The following CHIC1 variants were observed in gnomAD, a reference collection of about 807,000 sequenced individuals.
CHIC1 encodes cysteine rich hydrophobic domain 1.
Under a neutral mutation model 18.5 loss-of-function variants are expected in CHIC1, and 7 were observed. That is an observed-to-expected ratio of 0.38 (90% CI 0.22 to 0.71). CHIC1 has a LOEUF of 0.71. CHIC1 is among the 30% of genes least tolerant of loss of function. CHIC1 has a pLI of 0.49. For synonymous variants in CHIC1, 77 were observed against 73.5 expected (o/e 1.05, Z -0.25); for missense variants, 159 against 176.9 (o/e 0.90, Z 0.57).
intron 3 of CHIC1, among the ~76,000 whole-genome samples, chrX:73,623,102 A>G (rs1292111480): frequency 9.0e-6 from 1 of 111,480 alleles, no homozygotes; most frequent in Non-Finnish European, 1.9e-5. Flanking sequence ...TTTACTTCCA[A>G]TTATGTGGTC....
chrX:73,678,275 G>T (rs150778332), intron 3 of CHIC1, among the ~76,000 whole-genome samples: 1,703 of 112,364 alleles, frequency 0.015, 32 homozygotes, highest in African/African-American at 0.052. Context: ...TGGGACAGCA[G>T]TGCCAGGTAG....
chrX:73,623,668 C>G (rs1387979603), intron 3 of CHIC1, among the ~76,000 whole-genome samples: 1 of 111,014 alleles, frequency 9.0e-6, no homozygotes, highest in East Asian at 2.8e-4. Flanking sequence ...TGTTTTAACC[C>G]TCTAAACTTA....
chrX:73,633,610 T>C (rs770870286), intron 3 of CHIC1, among the ~76,000 whole-genome samples: 1 of 111,974 alleles, frequency 8.9e-6, no homozygotes, highest in Non-Finnish European at 1.9e-5. Flanking sequence ...TCATTATTTA[T>C]TTAAATAAGC....
chrX:73,604,728 G>T (rs779630178), intron 3 of CHIC1, among the ~76,000 whole-genome samples: 1 of 109,113 alleles, frequency 9.2e-6, no homozygotes, highest in South Asian at 3.7e-4. Context: ...TGGTTTCAAA[G>T]AACTTATGTA....
intron 2 of CHIC1, among the ~76,000 whole-genome samples, chrX:73,580,192 G>A (rs369656742): frequency 1.8e-5 from 2 of 110,488 alleles, no homozygotes; most frequent in African/African-American, 6.5e-5. Context: ...AATTCCAGTG[G>A]CCCCAAAGGT....
intron 3 of CHIC1, among the ~76,000 whole-genome samples, chrX:73,654,468 T>A (rs2057932287): frequency 8.9e-6 from 1 of 112,105 alleles, no homozygotes; most frequent in African/African-American, 3.2e-5. Flanking sequence ...TGCATTTATG[T>A]TCATGACGTA....
intron 3 of CHIC1, among the ~76,000 whole-genome samples, chrX:73,632,241 T>G (rs2057810591): frequency 8.9e-6 from 1 of 112,122 alleles, no homozygotes; most frequent in Non-Finnish European, 1.9e-5. Flanking sequence ...GTCCATTGTT[T>G]CTTGTGACAG....
intron 3 of CHIC1, among the ~76,000 whole-genome samples, chrX:73,608,957 G>T (rs748901494): frequency 9.4e-6 from 1 of 106,867 alleles, no homozygotes; most frequent in African/African-American, 3.7e-5. Flanking sequence ...TTCAAGACCA[G>T]CCTGGCCAAC....
At position 73,681,148 on chromosome X, in the gene CHIC1, T is replaced by A; in HGVS notation, c.*143T>A. ...TATTCTTCTCGCTCTTTTGTGTTGG[T>A]TTATGAAGAAAATTTGCACATCTTT... On this transcript the variant is annotated 3_prime_UTR_variant, in exon 6 of 6. Transcript: ENST00000373502. The A allele has an allele frequency of 2.3e-6, 1 of 438,645 alleles. No individual in the cohort carries two copies. Among genetic ancestry groups the A allele is most frequent in the Admixed American group, 5.0e-5 (1 of 19,990 alleles). 36.1% of individuals were successfully genotyped at this position (438,645 alleles called of 1,213,427 possible).
At chrX:73,586,559 A>G (rs1352733163) in intron 3 of CHIC1, among the ~76,000 whole-genome samples, 1 of 111,918 alleles carries the variant, frequency 8.9e-6, no homozygotes, top group African/African-American at 3.2e-5. Flanking sequence ...TATGTAAAAT[A>G]AGTTGAATAG....
intron 3 of CHIC1, among the ~76,000 whole-genome samples, chrX:73,653,569 A>G (rs1231817181): frequency 3.6e-5 from 4 of 111,803 alleles, no homozygotes; most frequent in Non-Finnish European, 7.5e-5. Flanking sequence ...TTCACATTTT[A>G]TAATTATTTT....
intron 3 of CHIC1, among the ~76,000 whole-genome samples, chrX:73,625,875 G>C (rs1388103121): frequency 9.1e-6 from 1 of 110,446 alleles, no homozygotes; most frequent in Non-Finnish European, 1.9e-5. Context: ...TCTAGGAGAG[G>C]CTCTAACTCC....
rs749506745 is a variant in CHIC1, at chrX:73,632,193, T to C, written c.508-47133T>C. 8.0e-5 allele frequency among the ~76,000 whole-genome samples: 9 copies of C among 112,378 alleles called. No individual in the cohort carries two copies. The East Asian group carries it at 1.1e-3, about 14-fold the overall frequency. On this transcript the variant is annotated intron_variant, in intron 3 of 5. Transcript: ENST00000373502. ...ATGCATTTATAGTATCTTCTTGATA[T>C]ATATTCTCTTGATAAATTGACCACT...
At chrX:73,628,285 G>A (rs981010272) in intron 3 of CHIC1, among the ~76,000 whole-genome samples, 26 of 111,657 alleles carry the variant, frequency 2.3e-4, no homozygotes, top group African/African-American at 5.5e-4. Flanking sequence ...TCCCTTGACC[G>A]CTCCAGCTGG....
chrX:73,627,165 T>C (rs1010429492), intron 3 of CHIC1, among the ~76,000 whole-genome samples: 2 of 108,618 alleles, frequency 1.8e-5, no homozygotes, highest in Non-Finnish European at 3.8e-5. Flanking sequence ...AAAAGAGTCT[T>C]TCTCTCTCTG....
intron 3 of CHIC1, among the ~76,000 whole-genome samples, chrX:73,658,305 G>A (rs750104393): frequency 4.0e-5 from 3 of 74,084 alleles, no homozygotes; most frequent in South Asian, 2.0e-3. Context: ...TATTACGGCC[G>A]CAACTTCAGA....
At position 73,584,481 on chromosome X, in the gene CHIC1, C is replaced by T. The variant is rs773700231; in HGVS notation, c.416C>T (p.Pro139Leu). 24 of 1,172,561 alleles carry T rather than the reference C, an allele frequency of 2.0e-5. No homozygotes were observed. The highest frequency in any genetic ancestry group is 2.5e-5 in the Admixed American group (1 of 40,336). The change falls in exon 3 of 6, where the codon CCG (proline) becomes CTG (leucine). Residue 139 changes from proline to leucine, a missense_variant. By Grantham distance (98) the Pro-to-Leu change is moderately conservative. Transcript: ENST00000373502. ...RVNACLKKAL[P>L]VNVKWLLCGC... The stretch of plus-strand genomic sequence containing the variant: ...AATGCATGTTTGAAAAAGGCTCTCC[C>T]GGTCAATGTGAAATGGCTGCTGTGT...
intron 3 of CHIC1, among the ~76,000 whole-genome samples, chrX:73,644,621 T>G (rs2057878522): frequency 8.9e-6 from 1 of 112,318 alleles, no homozygotes; most frequent in African/African-American, 3.2e-5. Flanking sequence ...CCGCCTTGCA[T>G]TTTGATCTCA....
At chrX:73,597,594 CAT>C (rs1230045559) in intron 3 of CHIC1, among the ~76,000 whole-genome samples, 25 of 105,066 alleles carry the variant, frequency 2.4e-4, no homozygotes, top group African/African-American at 7.2e-4. Flanking sequence ...TATATACACA[CAT>C]ATATATATAC....
Sources: gnomAD v4.1 joint callset for allele counts (sites outside exome capture counted in the v4.1 genomes callset) on GRCh38, gnomAD v4.1.1 for gene constraint, MANE v1.5 for transcripts, NCBI Gene and HGNC (gene_info 2026-07-23, HGNC 2026-07-21) for gene names.